DPYD: variants seen among roughly 807,000 people sequenced by gnomAD.
DPYD encodes the protein dihydropyrimidine dehydrogenase [NADP(+)].
A neutral mutation model predicts 116.2 loss-of-function variants in DPYD; 109 were observed. The ratio of observed to expected loss-of-function variants is 0.94; its 90% CI spans 0.80 to 1.10. The LOEUF is 1.10. Ranked by LOEUF, DPYD falls within the 50% of genes least tolerant of loss-of-function variation. The probability of loss-of-function intolerance (pLI) is 0.00; values close to 1 mark genes in which losing one functional copy is unlikely to be tolerated. For synonymous variants in DPYD, 440 were observed against 432.0 expected (o/e 1.02, Z -0.23); for missense variants, 1,302 against 1,254.5 (o/e 1.04, Z -0.57).
At position 97,550,881 on chromosome 1, in the gene DPYD, G is replaced by C. The variant is rs1263354847; in HGVS notation, c.1340-1137C>G. 4.6e-5 allele frequency among the ~76,000 whole-genome samples: 7 copies of C among 152,078 alleles called. No individual in the cohort carries two copies. The South Asian group carries it at 1.2e-3, about 27-fold the overall frequency. On this transcript the variant is annotated intron_variant, in intron 11 of 22. Coordinates refer to ENST00000370192, the MANE Select transcript of DPYD (RefSeq NM_000110.4). ...AAACCAGTTTCTTCTGAGTAAAATAGAGGAAAAAAATAGAAATAAAATAAA... is the reference window on the plus strand; with the variant it reads ...AAACCAGTTTCTTCTGAGTAAAATACAGGAAAAAAATAGAAATAAAATAAA...
chr1:97,391,407 C>A (rs2101602737), intron 14 of DPYD, among the ~76,000 whole-genome samples: 1 of 152,028 alleles, frequency 6.6e-6, no homozygotes, highest in African/African-American at 2.4e-5. Flanking sequence ...CTAGGAATAC[C>A]TATCTTTGTC....
At chr1:97,710,209 T>A (rs1178740369) in intron 5 of DPYD, among the ~76,000 whole-genome samples, 1 of 151,846 alleles carries the variant, frequency 6.6e-6, no homozygotes, top group African/African-American at 2.4e-5. Flanking sequence ...GGGATGAATG[T>A]CTCGTTACCT....
At chr1:97,908,416 T>C (rs532088859) in intron 1 of DPYD, among the ~76,000 whole-genome samples, 5 of 152,116 alleles carry the variant, frequency 3.3e-5, no homozygotes, top group African/African-American at 1.2e-4. Flanking sequence ...TCAGTGCTTC[T>C]GTCATCTACC....
At chr1:97,154,859 A>G (rs1167146829) in intron 20 of DPYD, among the ~76,000 whole-genome samples, 1 of 152,146 alleles carries the variant, frequency 6.6e-6, no homozygotes, top group Non-Finnish European at 1.5e-5. Flanking sequence ...CCACTAAAGA[A>G]CTTATTCTTG....
chr1:97,614,346 C>T (rs1043224303), intron 8 of DPYD, among the ~76,000 whole-genome samples: 1 of 151,958 alleles, frequency 6.6e-6, no homozygotes, highest in African/African-American at 2.4e-5. Flanking sequence ...AATACTTTTA[C>T]TCTGTGTTTT....
intron 16 of DPYD, among the ~76,000 whole-genome samples, chr1:97,310,123 T>G (rs1667412976): frequency 6.6e-6 from 1 of 151,844 alleles, no homozygotes; most frequent in African/African-American, 2.4e-5. Flanking sequence ...GTACAATTCA[T>G]TTCAAAATGG....
intron 18 of DPYD, among the ~76,000 whole-genome samples, chr1:97,264,192 T>C (rs1254837468): frequency 8.1e-6 from 1 of 124,150 alleles, no homozygotes; most frequent in African/African-American, 3.2e-5. Context: ...TTTTTTTTTT[T>C]TGGACAAAGT....
intron 13 of DPYD, among the ~76,000 whole-genome samples, chr1:97,505,398 G>A (rs865947676): frequency 5.9e-5 from 9 of 151,396 alleles, no homozygotes; most frequent in Non-Finnish European, 1.0e-4. Flanking sequence ...GTGACTATCC[G>A]TGTGCTATCC....
intron 18 of DPYD, among the ~76,000 whole-genome samples, chr1:97,282,238 T>C (rs914012517): frequency 3.3e-5 from 5 of 152,116 alleles, no homozygotes; most frequent in African/African-American, 1.2e-4. Flanking sequence ...TCTGAAGCAA[T>C]TGCATTATTG....
intron 18 of DPYD, among the ~76,000 whole-genome samples, chr1:97,251,139 G>A (rs1056541791): frequency 1.3e-5 from 2 of 152,134 alleles, no homozygotes; most frequent in Non-Finnish European, 2.9e-5. Context: ...GCTCATGTCT[G>A]TAATTCCAGC....
At chr1:97,847,799 G>A (rs1378514828) in intron 2 of DPYD, among the ~76,000 whole-genome samples, 1 of 152,098 alleles carries the variant, frequency 6.6e-6, no homozygotes, top group Non-Finnish European at 1.5e-5. Context: ...GTCCAAATAT[G>A]TAAATTAAAA....
Position 97,545,064 on chromosome 1 carries a change from AAG to A in DPYD, c.1524+4494_1524+4495del, listed in dbSNP as rs1435530681. On this transcript the variant is annotated intron_variant, in intron 12 of 22. Coordinates refer to ENST00000370192, the MANE Select transcript of DPYD (RefSeq NM_000110.4). ...AAGATAAAATAAAATAAGGGTATAA[AAG>A]AGTTTTTAAGAGATAGAATAAGAAT... Among the ~76,000 whole-genome samples the A allele has an allele frequency of 1.2e-4, 18 of 152,280 alleles. No homozygotes were observed. The East Asian group carries it at 3.5e-3, about 29-fold the overall frequency.
At chr1:97,484,397 T>G (rs1678499270) in intron 13 of DPYD, among the ~76,000 whole-genome samples, 1 of 152,232 alleles carries the variant, frequency 6.6e-6, no homozygotes. Context: ...GGGTTTTTGC[T>G]TTCTTTATAG....
At chr1:97,340,072 C>G (rs922833375) in intron 16 of DPYD, among the ~76,000 whole-genome samples, 1 of 151,652 alleles carries the variant, frequency 6.6e-6, no homozygotes, top group Non-Finnish European at 1.5e-5. Context: ...AATGCAATTT[C>G]CAAATTAAGA....
At chr1:97,427,607 C>T (rs948245117) in intron 14 of DPYD, among the ~76,000 whole-genome samples, 3 of 151,894 alleles carry the variant, frequency 2.0e-5, no homozygotes, top group Non-Finnish European at 2.9e-5. Context: ...CTTCCTCTTT[C>T]GGTCTTGTGT....
chr1:97,745,513 C>G lies in DPYD; in HGVS notation c.234-5034G>C, dbSNP rs182981135. 3.3e-5 allele frequency among the ~76,000 whole-genome samples: 5 copies of G among 152,204 alleles called. No individual in the cohort carries two copies. In the East Asian group the frequency reaches 9.6e-4, roughly 29 times the overall value. On this transcript the variant is annotated intron_variant, in intron 3 of 22. Transcript: ENST00000370192. ...AATAACCAGGAAGCTGGGAATAAAA[C>G]ACAGTTGAGAACTTTCCTGTAAGTA...
intron 4 of DPYD, among the ~76,000 whole-genome samples, chr1:97,722,340 T>C (rs1662969918): frequency 6.6e-6 from 1 of 151,450 alleles, no homozygotes; most frequent in Admixed American, 6.6e-5. Context: ...GTGATTTTTA[T>C]GATATACTGG....
intron 3 of DPYD, among the ~76,000 whole-genome samples, chr1:97,780,072 T>C (rs1666649236): frequency 6.6e-6 from 1 of 152,222 alleles, no homozygotes; most frequent in South Asian, 2.1e-4. Context: ...TTACATTTAA[T>C]GCAGTTGTGT....
chr1:97,616,505 G>A (rs1022984494), intron 8 of DPYD, among the ~76,000 whole-genome samples: 15 of 152,112 alleles, frequency 9.9e-5, no homozygotes, highest in African/African-American at 3.6e-4. Context: ...GGAGATGCTG[G>A]ATACTTACCT....
Sources: gnomAD v4.1 joint callset for allele counts (sites outside exome capture counted in the v4.1 genomes callset) on GRCh38, gnomAD v4.1.1 for gene constraint, MANE v1.5 for transcripts, NCBI Gene and HGNC (gene_info 2026-07-23, HGNC 2026-07-21) for gene names.